The following SLC25A26 variants were observed in gnomAD, a reference collection of about 807,000 sequenced individuals.
The protein encoded by SLC25A26 is solute carrier family 25 member 26, also known as mitochondrial S-adenosylmethionine carrier protein.
A neutral mutation model predicts 37.8 loss-of-function variants in SLC25A26; 36 were observed. The observed-to-expected ratio is 0.95, with a 90% CI of 0.73 to 1.26. SLC25A26 has a LOEUF of 1.26. Among genes scored for constraint, SLC25A26 ranks in the 50% most tolerant of loss-of-function variants. SLC25A26 has a pLI of 0.00. For synonymous variants in SLC25A26, 129 were observed against 122.5 expected (o/e 1.05, Z -0.35); for missense variants, 390 against 331.1 (o/e 1.18, Z -1.38).
At chr3:66,135,630 G>A (rs1292179526) in intron 1 of SLC25A26, among the ~76,000 whole-genome samples, 1 of 152,122 alleles carries the variant, frequency 6.6e-6, no homozygotes, top group East Asian at 1.9e-4. Flanking sequence ...AGGTGGGCAT[G>A]GTGGCATGTA....
In SLC25A26 at chr3:66,328,313, C is replaced by T. The variant is rs1339953651; in HGVS notation, c.454-18051C>T. Among the ~76,000 whole-genome samples the T allele has an allele frequency of 3.9e-5, 6 of 152,182 alleles. No homozygotes were observed. The South Asian group carries it at 6.2e-4, about 16-fold the overall frequency. ...ATAGTTAGACTTCAACTACTTTCCCCGATAACTTGATTTAATATGAAAGCT... is the reference window on the plus strand; with the variant it reads ...ATAGTTAGACTTCAACTACTTTCCCTGATAACTTGATTTAATATGAAAGCT... On this transcript the variant is annotated intron_variant, in intron 5 of 9. Coordinates refer to ENST00000354883, the MANE Select transcript of SLC25A26 (RefSeq NM_001379210.1).
chr3:66,156,781 G>A (rs1228592733), intron 1 of SLC25A26, among the ~76,000 whole-genome samples: 1 of 152,052 alleles, frequency 6.6e-6, no homozygotes, highest in Non-Finnish European at 1.5e-5. Flanking sequence ...TGATTGGGCT[G>A]GGGCCTGCCT....
chr3:66,376,895 T>A (rs1052295367), intron 9 of SLC25A26, among the ~76,000 whole-genome samples: 3 of 152,222 alleles, frequency 2.0e-5, no homozygotes, highest in Non-Finnish European at 4.4e-5. Context: ...GACTTAGTTT[T>A]TTAAACCTGT....
At chr3:66,340,488 A>G (rs944919973) in intron 5 of SLC25A26, among the ~76,000 whole-genome samples, 5 of 152,080 alleles carry the variant, frequency 3.3e-5, no homozygotes, top group East Asian at 1.9e-4. Context: ...ATTTCCTCCT[A>G]TCCACGGACC....
intron 1 of SLC25A26, among the ~76,000 whole-genome samples, chr3:66,165,657 A>G (rs937912107): frequency 2.0e-5 from 3 of 152,158 alleles, no homozygotes; most frequent in Admixed American, 6.5e-5. Flanking sequence ...GAATGAGAGG[A>G]TGAATAACTG....
chr3:66,279,095 A>G (rs959902997), intron 5 of SLC25A26, among the ~76,000 whole-genome samples: 5 of 152,152 alleles, frequency 3.3e-5, no homozygotes, highest in Non-Finnish European at 7.4e-5. Context: ...TTAATTTCCA[A>G]CATTTGGGGC....
chr3:66,310,407 T>C (rs955905186), intron 5 of SLC25A26, among the ~76,000 whole-genome samples: 3 of 152,220 alleles, frequency 2.0e-5, no homozygotes, highest in African/African-American at 7.2e-5. Context: ...GCATGTGATA[T>C]GGGTCTCCTG....
intron 1 of SLC25A26, among the ~76,000 whole-genome samples, chr3:66,195,961 C>T (rs1302021126): frequency 1.3e-5 from 2 of 152,166 alleles, no homozygotes; most frequent in African/African-American, 2.4e-5. Context: ...TAAGATCAAG[C>T]GTAGGAGCTA....
intron 5 of SLC25A26, among the ~76,000 whole-genome samples, chr3:66,264,272 C>G (rs999728706): frequency 1.3e-5 from 2 of 151,730 alleles, no homozygotes; most frequent in Middle Eastern, 6.8e-3. Context: ...AAGAGCGACT[C>G]TGTCTCCAAA....
At position 66,377,709 on chromosome 3, in the gene SLC25A26, C is replaced by G; in HGVS notation, c.727C>G (p.Pro243Ala). Reference sequence around the variant, plus strand: ...CCCTAGATTATTTGCAGGTGTCTTCCCTCGAATGGCAGCCATCAGTCTGGG... The same window carrying G: ...CCCTAGATTATTTGCAGGTGTCTTCGCTCGAATGGCAGCCATCAGTCTGGG... The part of the protein sequence containing the change: ...GLAGLFAGVF[P>A]RMAAISLGGF... Residue 243 changes from proline (P) to alanine (A), a missense_variant, in exon 10 of 10, where the codon CCT (proline) becomes GCT (alanine). Pro to Ala is a conservative substitution (Grantham distance 27, BLOSUM62 -1). Coordinates refer to ENST00000354883, the MANE Select transcript of SLC25A26 (RefSeq NM_001379210.1). 1.2e-6 allele frequency: 2 copies of G among 1,613,622 alleles called. No homozygotes were observed. Among genetic ancestry groups the G allele is most frequent in the Non-Finnish European group, 1.7e-6 (2 of 1,179,728 alleles).
At chr3:66,329,631 G>A (rs1263190505) in intron 5 of SLC25A26, among the ~76,000 whole-genome samples, 2 of 152,048 alleles carry the variant, frequency 1.3e-5, no homozygotes, top group Non-Finnish European at 2.9e-5. Context: ...ATTTTTAAAT[G>A]TAAGAAAATT....
chr3:66,186,167 G>A (rs927454519), intron 1 of SLC25A26, among the ~76,000 whole-genome samples: 31,267 of 151,468 alleles, frequency 0.21, 3,588 homozygotes, highest in Admixed American at 0.34. Flanking sequence ...ACCTAAACCC[G>A]CGTGATATTG....
chr3:66,323,177 T>G (rs963797177), intron 5 of SLC25A26, among the ~76,000 whole-genome samples: 1 of 152,040 alleles, frequency 6.6e-6, no homozygotes, highest in African/African-American at 2.4e-5. Flanking sequence ...TTCCCTCAGA[T>G]TGGGTGGGGC....
chr3:66,295,707 C>T (rs1332449623), intron 5 of SLC25A26, among the ~76,000 whole-genome samples: 1 of 151,658 alleles, frequency 6.6e-6, no homozygotes, highest in Non-Finnish European at 1.5e-5. Context: ...ACCATGCTGG[C>T]CAGGCTGATC....
chr3:66,309,026 G>A (rs2075304309), intron 5 of SLC25A26, among the ~76,000 whole-genome samples: 1 of 152,164 alleles, frequency 6.6e-6, no homozygotes. Context: ...TCAGGTTTTG[G>A]TTTCAGGAAG....
chr3:66,174,018 G>A (rs924816393), intron 1 of SLC25A26, among the ~76,000 whole-genome samples: 13 of 151,294 alleles, frequency 8.6e-5, no homozygotes, highest in Admixed American at 2.0e-4. Flanking sequence ...GTGCCACTGC[G>A]CTCCAGCCTA....
At chr3:66,235,695 C>T (rs983943498) in intron 1 of SLC25A26, among the ~76,000 whole-genome samples, 3 of 151,968 alleles carry the variant, frequency 2.0e-5, no homozygotes, top group African/African-American at 7.2e-5. Flanking sequence ...AAAGATAAAT[C>T]GTTAAAAAAA....
chr3:66,226,798 A>G (rs1164198760), intron 1 of SLC25A26, among the ~76,000 whole-genome samples: 1 of 147,028 alleles, frequency 6.8e-6, no homozygotes, highest in East Asian at 1.9e-4. Context: ...TTTTTTTTGT[A>G]GAAAGAGGTG....
At chr3:66,225,350 G>A (rs527388177) in intron 1 of SLC25A26, among the ~76,000 whole-genome samples, 3 of 152,280 alleles carry the variant, frequency 2.0e-5, no homozygotes, top group African/African-American at 7.2e-5. Context: ...AAGCTGCCAA[G>A]GCTTGGGGCT....
Sources: gnomAD v4.1 joint callset for allele counts (sites outside exome capture counted in the v4.1 genomes callset) on GRCh38, gnomAD v4.1.1 for gene constraint, MANE v1.5 for transcripts, NCBI Gene and HGNC (gene_info 2026-07-23, HGNC 2026-07-21) for gene names.